AGBL4: variants seen among roughly 807,000 people sequenced by gnomAD.
The protein encoded by AGBL4 is AGBL carboxypeptidase 4.
Under a neutral mutation model 66.4 loss-of-function variants are expected in AGBL4, and 58 were observed. The observed-to-expected ratio is 0.87, with a 90% CI of 0.71 to 1.09. The LOEUF is 1.09. Among genes scored for constraint, AGBL4 ranks in the 50% least tolerant of loss-of-function variants. The pLI is 0.00. For synonymous variants in AGBL4, 234 were observed against 222.9 expected (o/e 1.05, Z -0.44); for missense variants, 579 against 631.0 (o/e 0.92, Z 0.88).
intron 3 of AGBL4, among the ~76,000 whole-genome samples, chr1:49,306,467 C>T (rs1333229676): frequency 6.6e-6 from 1 of 152,166 alleles, no homozygotes; most frequent in African/African-American, 2.4e-5. Flanking sequence ...TCTTTCTCTT[C>T]AATAAGGTTT....
chr1:48,988,956 G>C (rs995025319), intron 5 of AGBL4, among the ~76,000 whole-genome samples: 1 of 152,140 alleles, frequency 6.6e-6, no homozygotes, highest in Admixed American at 6.6e-5. Context: ...GACAAAAAAA[G>C]GTGGGGCTAC....
At chr1:49,822,280 TTTTTCTTTC>T (rs1645389479) in intron 2 of AGBL4, among the ~76,000 whole-genome samples, 1 of 152,030 alleles carries the variant, frequency 6.6e-6, no homozygotes, top group Non-Finnish European at 1.5e-5. Context: ...CTTTTTTGTA[TTTTTCTTTC>T]TTTTCTTTTT....
At chr1:50,022,380 T>A (rs923033661) in intron 1 of AGBL4, among the ~76,000 whole-genome samples, 1 of 152,192 alleles carries the variant, frequency 6.6e-6, no homozygotes, top group Non-Finnish European at 1.5e-5. Context: ...GCCAGGCATA[T>A]AGTTAGCACT....
At chr1:49,266,442 T>C (rs961422491) in intron 3 of AGBL4, among the ~76,000 whole-genome samples, 10 of 152,132 alleles carry the variant, frequency 6.6e-5, no homozygotes, top group Admixed American at 6.5e-5. Flanking sequence ...ATTTCCTACA[T>C]GGAATTTTGT....
chr1:49,732,869 T>C (rs536829109), intron 2 of AGBL4, among the ~76,000 whole-genome samples: 74 of 152,246 alleles, frequency 4.9e-4, no homozygotes, highest in African/African-American at 1.7e-3. Flanking sequence ...TCAAAGCTTC[T>C]AAAATCTAGT....
chr1:48,689,203 CAAAAAAA>C (rs939955179), intron 6 of AGBL4, among the ~76,000 whole-genome samples: 1 of 53,338 alleles, frequency 1.9e-5, no homozygotes, highest in African/African-American at 5.9e-5. Context: ...GACCCGGTCT[CAAAAAAA>C]AAAAAAAAAA....
chr1:49,261,600 A>G lies in AGBL4; in HGVS notation c.283-15736T>C, dbSNP rs1653175540. Among the ~76,000 whole-genome samples the G allele has an allele frequency of 3.3e-5, 5 of 152,142 alleles. No homozygotes were observed. In the South Asian group the frequency reaches 1.0e-3, roughly 32 times the overall value. ...TAAAATACCTAGGAATCCAACTTAC[A>G]AGGGATGTGAAGGACCTCTTCAAGG... On this transcript the variant is annotated intron_variant, in intron 3 of 13. Coordinates refer to ENST00000371839, the MANE Select transcript of AGBL4 (RefSeq NM_032785.4).
chr1:49,441,135 A>G (rs1319877626), intron 3 of AGBL4, among the ~76,000 whole-genome samples: 1 of 152,196 alleles, frequency 6.6e-6, no homozygotes, highest in African/African-American at 2.4e-5. Flanking sequence ...ACTAGATTAA[A>G]GTTCCGGTGG....
chr1:49,797,172 C>CA (rs1434411456), intron 2 of AGBL4, among the ~76,000 whole-genome samples: 1 of 152,050 alleles, frequency 6.6e-6, no homozygotes, highest in African/African-American at 2.4e-5. Flanking sequence ...GCCAATTTCA[C>CA]AAAAATATTT....
At chr1:49,500,084 G>T (rs1463664697) in intron 3 of AGBL4, among the ~76,000 whole-genome samples, 1 of 151,976 alleles carries the variant, frequency 6.6e-6, no homozygotes, top group African/African-American at 2.4e-5. Context: ...GGAGTAACTT[G>T]GTATTGCATT....
chr1:48,724,376 C>T (rs1647197176), intron 6 of AGBL4, among the ~76,000 whole-genome samples: 1 of 152,160 alleles, frequency 6.6e-6, no homozygotes, highest in Non-Finnish European at 1.5e-5. Flanking sequence ...CACTTTACCC[C>T]TGTGTGTGAT....
intron 3 of AGBL4, among the ~76,000 whole-genome samples, chr1:49,636,689 A>G (rs1012964220): frequency 2.0e-5 from 3 of 152,204 alleles, no homozygotes; most frequent in Admixed American, 1.3e-4. Context: ...ATAAAAATCT[A>G]TGCTGTTACA....
chr1:49,915,260 C>T (rs1474236587), intron 1 of AGBL4, among the ~76,000 whole-genome samples: 7 of 152,062 alleles, frequency 4.6e-5, no homozygotes, highest in Non-Finnish European at 8.8e-5. Flanking sequence ...TGCAGCCCAC[C>T]GAGTGACAGC....
intron 3 of AGBL4, among the ~76,000 whole-genome samples, chr1:49,253,382 C>G (rs1210223156): frequency 6.6e-6 from 1 of 152,132 alleles, no homozygotes; most frequent in Non-Finnish European, 1.5e-5. Flanking sequence ...GCACCCAACA[C>G]AGGGTGTTAT....
At chr1:48,600,758 TTC>T (rs1414803415) in intron 9 of AGBL4, among the ~76,000 whole-genome samples, 2 of 152,210 alleles carry the variant, frequency 1.3e-5, no homozygotes, top group African/African-American at 4.8e-5. Context: ...TTCAGGATTA[TTC>T]TGAGACTAAT....
At chr1:49,733,554 A>G (rs567181910) in intron 2 of AGBL4, among the ~76,000 whole-genome samples, 1 of 152,296 alleles carries the variant, frequency 6.6e-6, no homozygotes, top group Admixed American at 6.5e-5. Context: ...TGAAGGAGCC[A>G]GTGAATCCAG....
intron 5 of AGBL4, among the ~76,000 whole-genome samples, chr1:48,878,180 C>T (rs1649407131): frequency 2.0e-5 from 3 of 152,080 alleles, no homozygotes; most frequent in African/African-American, 7.2e-5. Flanking sequence ...TAAAAAGATC[C>T]TATCATACTC....
chr1:48,884,158 C>A (rs1332854771), intron 5 of AGBL4, among the ~76,000 whole-genome samples: 1 of 152,162 alleles, frequency 6.6e-6, no homozygotes, highest in East Asian at 1.9e-4. Context: ...TATTGTTTTT[C>A]AGGCACCTGT....
intron 3 of AGBL4, among the ~76,000 whole-genome samples, chr1:49,380,003 A>C (rs556422044): frequency 0.018 from 2,780 of 152,100 alleles, 76 homozygotes; most frequent in African/African-American, 0.054. Flanking sequence ...CTGGCCAGGG[A>C]AATTAGGCAG....
Sources: allele counts gnomAD v4.1 joint callset (sites outside exome capture counted in the v4.1 genomes callset), GRCh38; gene constraint gnomAD v4.1.1; transcripts MANE v1.5; gene names NCBI Gene and HGNC (gene_info 2026-07-23, HGNC 2026-07-21).